Variants in LMTK2 observed in about 807,000 individuals in gnomAD.
LMTK2 encodes the protein lemur tail kinase 2, also known as serine/threonine-protein kinase LMTK2.
A neutral mutation model predicts 127.5 loss-of-function variants in LMTK2; 37 were observed. The ratio of observed to expected loss-of-function variants is 0.29; its 90% CI spans 0.22 to 0.38. The LOEUF (loss-of-function observed/expected upper bound fraction) is 0.38, where lower values mean the gene tolerates loss of function less well. LMTK2 is among the 10% of genes least tolerant of loss of function. LMTK2 has a pLI of 1.00. For synonymous variants in LMTK2, 819 were observed against 810.1 expected (o/e 1.01, Z -0.19); for missense variants, 1,694 against 1,920.3 (o/e 0.88, Z 2.20).
At position 98,193,182 on chromosome 7, in the gene LMTK2, A is replaced by T. The variant is rs1797561163; in HGVS notation, c.2717A>T (p.Asp906Val). The T allele has an allele frequency of 6.2e-7, 1 of 1,613,626 alleles. No homozygotes were observed. Among genetic ancestry groups the T allele is most frequent in the African/African-American group, 1.3e-5 (1 of 74,922 alleles). The part of the protein sequence containing the change: ...LTESDSVLAD[D>V]ILASRVSVGS... The stretch of plus-strand genomic sequence containing the variant: ...GAAAGTGACTCTGTTCTTGCTGATG[A>T]CATCCTTGCCAGCAGGGTGAGTGTA... The change falls in exon 11 of 14, where the codon GAC becomes GTC. Residue 906 changes from aspartate to valine, a missense_variant. By Grantham distance (152) the Asp-to-Val change is radical (BLOSUM62 -3). Coordinates refer to ENST00000297293, the MANE Select transcript of LMTK2 (RefSeq NM_014916.4). The surrounding 1 kb of genome is among the most constrained non-coding windows in gnomAD (Gnocchi z 4.1).
chr7:98,158,061 C>G (rs1200614249), intron 5 of LMTK2, among the ~76,000 whole-genome samples: 3 of 152,176 alleles, frequency 2.0e-5, no homozygotes, highest in African/African-American at 7.2e-5. Flanking sequence ...TTTGCAACTC[C>G]TGTGAGTTCA....
intron 7 of LMTK2, among the ~76,000 whole-genome samples, chr7:98,184,585 A>G (rs1392262133): frequency 2.6e-5 from 4 of 152,252 alleles, no homozygotes; most frequent in South Asian, 4.1e-4. Context: ...TACATCTTAC[A>G]TGTGTTGATT....
In LMTK2 at chr7:98,151,436, G is replaced by C; in HGVS notation, c.431G>C (p.Gly144Ala). ...AGTCTAAACTACATACAGGAAATTG[G>C]AAATGGCTGGTTTGGAAAGGTAAGA... is the stretch of plus-strand genomic sequence containing the variant. ...RHSLNYIQEIGNGWFGKVLLG... is the reference protein window; with the variant it reads ...RHSLNYIQEIANGWFGKVLLG... Residue 144 changes from glycine to alanine, a missense_variant, in exon 4 of 14, where the codon GGA becomes GCA. Coordinates refer to ENST00000297293, the MANE Select transcript of LMTK2 (RefSeq NM_014916.4). The C allele has an allele frequency of 6.2e-7, 1 of 1,613,546 alleles. No homozygotes were observed. The highest frequency in any genetic ancestry group is 8.5e-7 in the Non-Finnish European group (1 of 1,179,512).
chr7:98,201,426 G>A lies in LMTK2; in HGVS notation c.4108-2148G>A, dbSNP rs141148911. Among the ~76,000 whole-genome samples the A allele has an allele frequency of 5.4e-4, 83 of 152,296 alleles. 1 individual carries two copies. Among genetic ancestry groups the A allele is most frequent in the East Asian group, 4.6e-3 (24 of 5,190 alleles). ...AAGTGCTCCAGTGAACACTTTGGGC[G>A]TCATGTCAGCGCTCAAAAGGTTTTG... is the stretch of plus-strand genomic sequence containing the variant. On this transcript the variant is annotated intron_variant, in intron 11 of 13. Coordinates refer to ENST00000297293, the MANE Select transcript of LMTK2 (RefSeq NM_014916.4).
intron 1 of LMTK2, among the ~76,000 whole-genome samples, chr7:98,113,382 C>T (rs1197972354): frequency 6.6e-6 from 1 of 152,170 alleles, no homozygotes; most frequent in African/African-American, 2.4e-5. Flanking sequence ...AATTAAACCT[C>T]TTTCCTTGAT....
intron 6 of LMTK2, among the ~76,000 whole-genome samples, chr7:98,170,545 T>C (rs1797167038): frequency 6.6e-6 from 1 of 152,032 alleles, no homozygotes; most frequent in African/African-American, 2.4e-5. Context: ...TTTTTTTTTT[T>C]CTTTTTTTTC....
intron 7 of LMTK2, among the ~76,000 whole-genome samples, chr7:98,182,008 A>C (rs1216488051): frequency 6.6e-6 from 1 of 152,226 alleles, no homozygotes; most frequent in Non-Finnish European, 1.5e-5. Flanking sequence ...GAGAAAGGAT[A>C]GTGTTTTCAA....
At chr7:98,165,170 G>A (rs1213689251) in intron 6 of LMTK2, among the ~76,000 whole-genome samples, 8 of 152,254 alleles carry the variant, frequency 5.3e-5, no homozygotes, top group African/African-American at 1.9e-4. Flanking sequence ...CTTAGACCTG[G>A]AAGGAACCTT....
At chr7:98,158,710 T>C (rs1397745219) in intron 5 of LMTK2, among the ~76,000 whole-genome samples, 1 of 152,230 alleles carries the variant, frequency 6.6e-6, no homozygotes, top group African/African-American at 2.4e-5. Context: ...TATGGGCGGA[T>C]GTGCGTAGGT....
At position 98,106,911 on chromosome 7, in the gene LMTK2, C is replaced by T. The variant is rs564598238; in HGVS notation, c.-267C>T. ...CGGCGGGAGCGCGGCTTCCCAGGCC[C>T]GCCGCTCCGCAGGGCTGCTGGCGTT... is the stretch of plus-strand genomic sequence containing the variant. On this transcript the variant is annotated 5_prime_UTR_variant, in exon 1 of 14. Coordinates refer to ENST00000297293, the MANE Select transcript of LMTK2 (RefSeq NM_014916.4). 2.5e-5 allele frequency: 11 copies of T among 445,420 alleles called. No individual in the cohort carries two copies. The highest frequency in any genetic ancestry group is 7.1e-5 in the East Asian group (2 of 28,116). The allele number at this position is 445,420 out of a possible 1,614,324, so 27.6% of individuals were successfully genotyped here. A position where few individuals can be genotyped will look rare whatever the true frequency, so the allele number is the denominator to read the frequency against.
chr7:98,197,603 A>G (rs2116475025), intron 11 of LMTK2, among the ~76,000 whole-genome samples: 1 of 152,274 alleles, frequency 6.6e-6, no homozygotes, highest in East Asian at 1.9e-4. Flanking sequence ...CCATAATCCT[A>G]ACATTTTGGA....
intron 1 of LMTK2, among the ~76,000 whole-genome samples, chr7:98,122,949 C>G (rs745776250): frequency 1.3e-5 from 2 of 151,956 alleles, no homozygotes; most frequent in African/African-American, 2.4e-5. Flanking sequence ...AATGTTGTTT[C>G]TTATCTCCTT....
chr7:98,149,380 A>G (rs893423635), intron 3 of LMTK2, among the ~76,000 whole-genome samples: 2 of 152,182 alleles, frequency 1.3e-5, no homozygotes, highest in Admixed American at 6.5e-5. Flanking sequence ...ACCTTTGACC[A>G]TCTTCTAGAG....
chr7:98,164,668 T>C (rs1797066787), intron 6 of LMTK2, among the ~76,000 whole-genome samples: 1 of 152,154 alleles, frequency 6.6e-6, no homozygotes, highest in Non-Finnish European at 1.5e-5. Context: ...GGGAAGGCTT[T>C]GTAAAGGCAG....
intron 7 of LMTK2, among the ~76,000 whole-genome samples, chr7:98,172,206 C>T (rs1212454037): frequency 1.3e-5 from 2 of 152,084 alleles, no homozygotes; most frequent in East Asian, 3.9e-4. Flanking sequence ...CCCCCGCTCC[C>T]GGGTGGGTAG....
At chr7:98,141,069 C>CAAA (rs112518899) in intron 2 of LMTK2, among the ~76,000 whole-genome samples, 5 of 104,476 alleles carry the variant, frequency 4.8e-5, no homozygotes, top group Admixed American at 9.9e-5. Context: ...AACCTTGTCT[C>CAAA]AAAAAAAAAA....
chr7:98,192,560 C>G lies in LMTK2; in HGVS notation c.2095C>G (p.Leu699Val), dbSNP rs142723294. Residue 699 changes from leucine to valine, a missense_variant, in exon 11 of 14, where the codon CTC becomes GTC. Coordinates refer to ENST00000297293, the MANE Select transcript of LMTK2 (RefSeq NM_014916.4). ...CCGTAAGATTTTTGACAGTGAGCCT[C>G]TCTGCCTATCAGATAATCTTATGCA... Reference protein sequence around the residue: ...KPRKIFDSEPLCLSDNLMHQD... With the variant: ...KPRKIFDSEPVCLSDNLMHQD... The G allele has an allele frequency of 6.2e-7, 1 of 1,613,252 alleles. No individual in the cohort carries two copies. Among genetic ancestry groups the G allele is most frequent in the Admixed American group, 1.7e-5 (1 of 59,918 alleles).
rs532832364 is a variant in LMTK2, at chr7:98,184,957, G to A, written c.792-94G>A. The A allele has an allele frequency of 5.2e-5, 45 of 859,296 alleles. No individual in the cohort carries two copies. In the African/African-American group the frequency reaches 6.2e-4, roughly 12 times the overall value. The allele number at this position is 859,296 out of a possible 1,614,324, so 53.2% of individuals were successfully genotyped here. ...GCAGAGAGCTCAATATACTTACTCG[G>A]ATCCCGAGAGAAAGCCCATTTCTGT... On this transcript the variant is annotated intron_variant, in intron 7 of 13. Transcript: ENST00000297293.
At chr7:98,131,061 C>T (rs1210332945) in intron 1 of LMTK2, among the ~76,000 whole-genome samples, 2 of 152,122 alleles carry the variant, frequency 1.3e-5, no homozygotes, top group Non-Finnish European at 2.9e-5. Context: ...AGCTGCAGCC[C>T]ATCTTTCTTC....
Sources: allele counts gnomAD v4.1 joint callset (sites outside exome capture counted in the v4.1 genomes callset), GRCh38; gene constraint gnomAD v4.1.1; non-coding constraint Gnocchi (gnomAD v3.1); transcripts MANE v1.5; gene names NCBI Gene and HGNC (gene_info 2026-07-23, HGNC 2026-07-21).